NWD2: variants seen among roughly 807,000 people sequenced by gnomAD.
The protein encoded by NWD2 is NACHT and WD repeat domain-containing protein 2.
A neutral mutation model predicts 132.7 loss-of-function variants in NWD2; 37 were observed. That is an observed-to-expected ratio of 0.28 (90% CI 0.21 to 0.37). The LOEUF is 0.37. Ranked by LOEUF, NWD2 falls within the 10% of genes least tolerant of loss-of-function variation. The probability of loss-of-function intolerance (pLI) is 1.00; values close to 1 mark genes in which losing one functional copy is unlikely to be tolerated. For synonymous variants in NWD2, 705 were observed against 803.0 expected (o/e 0.88, Z 2.06); for missense variants, 1,592 against 2,122.4 (o/e 0.75, Z 4.91).
intron 1 of NWD2, among the ~76,000 whole-genome samples, chr4:37,324,057 A>T (rs1177164134): frequency 6.6e-6 from 1 of 152,116 alleles, no homozygotes; most frequent in Admixed American, 6.6e-5. Flanking sequence ...AGGAAGGGAG[A>T]GGGATGTGAG....
intron 1 of NWD2, among the ~76,000 whole-genome samples, chr4:37,251,987 T>G (rs1250699440): frequency 6.6e-6 from 1 of 152,148 alleles, no homozygotes; most frequent in African/African-American, 2.4e-5. Context: ...ACGAGCACTG[T>G]GCTAATGATA....
chr4:37,380,165 C>T (rs987350850), intron 3 of NWD2, among the ~76,000 whole-genome samples: 1 of 152,156 alleles, frequency 6.6e-6, no homozygotes, highest in African/African-American at 2.4e-5. Context: ...GAAAAATAAA[C>T]GTTCAGATTA....
intron 1 of NWD2, among the ~76,000 whole-genome samples, chr4:37,283,074 G>C (rs1055095144): frequency 6.6e-6 from 1 of 152,136 alleles, no homozygotes; most frequent in Non-Finnish European, 1.5e-5. Context: ...GAGGCTCTGA[G>C]CCATTAGCTG....
In NWD2 at chr4:37,446,534, C is replaced by T. The variant is rs191667289; in HGVS notation, c.4546C>T (p.Arg1516Cys). 2.6e-5 allele frequency: 40 copies of T among 1,551,644 alleles called. No homozygotes were observed. The highest frequency in any genetic ancestry group is 1.2e-4 in the Admixed American group (6 of 50,990). Reference protein sequence around the residue: ...WSLTDEVICRRVQLPNNFLKN... With the variant: ...WSLTDEVICRCVQLPNNFLKN... ...TCTGACAGATGAAGTGATCTGTCGG[C>T]GCGTGCAACTTCCAAACAACTTCTT... is the stretch of plus-strand genomic sequence containing the variant. The change falls in exon 7 of 7, where the codon CGC (arginine) becomes TGC (cysteine). Residue 1516 changes from arginine to cysteine, a missense_variant. Physicochemically the swap from Arg to Cys is radical, Grantham distance 180. Coordinates refer to ENST00000309447, the MANE Select transcript of NWD2 (RefSeq NM_001144990.2). The surrounding 1 kb of genome is among the most constrained non-coding windows in gnomAD (Gnocchi z 6.7).
intron 1 of NWD2, among the ~76,000 whole-genome samples, chr4:37,318,976 T>C (rs1231488343): frequency 6.6e-6 from 1 of 152,216 alleles, no homozygotes; most frequent in Non-Finnish European, 1.5e-5. Context: ...ATGATTTATG[T>C]TCTTTTGGAT....
At chr4:37,317,896 A>G (rs1718990018) in intron 1 of NWD2, among the ~76,000 whole-genome samples, 1 of 152,134 alleles carries the variant, frequency 6.6e-6, no homozygotes, top group Non-Finnish European at 1.5e-5. Flanking sequence ...TTAGGAGGAC[A>G]TGTTAATTTT....
intron 3 of NWD2, among the ~76,000 whole-genome samples, chr4:37,377,487 T>A (rs531351650): frequency 6.6e-6 from 1 of 152,254 alleles, no homozygotes; most frequent in South Asian, 2.1e-4. Context: ...ATCCCAGCAC[T>A]TTGGGAGGCC....
chr4:37,415,814 C>T (rs1711580316), intron 3 of NWD2, among the ~76,000 whole-genome samples: 2 of 152,110 alleles, frequency 1.3e-5, no homozygotes, highest in Admixed American at 1.3e-4. Context: ...TAAGCCCAGG[C>T]CTTCATAATG....
Position 37,446,539 on chromosome 4 carries a change from G to A in NWD2, c.4551G>A (p.Val1517=). Residue 1517 remains valine, a synonymous_variant, in exon 7 of 7, where the codon GTG becomes GTA. Transcript: ENST00000309447. This position sits in a 1 kb window ranked among gnomAD's most constrained non-coding sequence, Gnocchi z 6.7. Reference sequence around the variant, plus strand: ...CAGATGAAGTGATCTGTCGGCGCGTGCAACTTCCAAACAACTTCTTGAAAA... The same window carrying A: ...CAGATGAAGTGATCTGTCGGCGCGTACAACTTCCAAACAACTTCTTGAAAA... ...SLTDEVICRR[V]QLPNNFLKNL... The A allele has an allele frequency of 6.4e-7, 1 of 1,551,700 alleles. No homozygotes were observed. Among genetic ancestry groups the A allele is most frequent in the Non-Finnish European group, 8.7e-7 (1 of 1,147,004 alleles).
intron 2 of NWD2, among the ~76,000 whole-genome samples, chr4:37,343,041 G>A (rs1719561553): frequency 1.3e-5 from 2 of 152,300 alleles, no homozygotes; most frequent in Non-Finnish European, 1.5e-5. Context: ...AGCCATTGAA[G>A]ATGAGGACCT....
rs1157177698 is a variant in NWD2, at chr4:37,245,159, C to G, written c.92C>G (p.Pro31Arg). Residue 31 changes from proline (P) to arginine (R), a missense_variant, in exon 1 of 7, where the codon CCC becomes CGC. By Grantham distance (103) the Pro-to-Arg change is moderately radical (BLOSUM62 -2). Transcript: ENST00000309447. ...TTCTCTGGGAACCTCACGGCCCTGC[C>G]CTCTCACCTCGTGCCCGCCGGCCGC... ...AAFSGNLTAL[P>R]SHLVPAGRSV... 1.3e-6 allele frequency: 2 copies of G among 1,546,784 alleles called. No individual in the cohort carries two copies. The highest frequency in any genetic ancestry group is 1.4e-5 in the African/African-American group (1 of 72,872).
chr4:37,298,858 C>A (rs1421889304), intron 1 of NWD2, among the ~76,000 whole-genome samples: 1 of 152,024 alleles, frequency 6.6e-6, no homozygotes, highest in Non-Finnish European at 1.5e-5. Context: ...TACAGCCAAG[C>A]TTTACTGGAA....
intron 3 of NWD2, among the ~76,000 whole-genome samples, chr4:37,394,812 T>TTTTG (rs1720752387): frequency 8.3e-6 from 1 of 119,824 alleles, no homozygotes; most frequent in South Asian, 3.1e-4. Flanking sequence ...TTTTTTTTTT[T>TTTTG]TTTTTTTTTT....
At chr4:37,413,533 T>C (rs1252695223) in intron 3 of NWD2, among the ~76,000 whole-genome samples, 1 of 152,160 alleles carries the variant, frequency 6.6e-6, no homozygotes, top group African/African-American at 2.4e-5. Flanking sequence ...AGAGTGTAAA[T>C]TAGTTCAATC....
At chr4:37,332,174 T>G (rs554557997) in intron 2 of NWD2, among the ~76,000 whole-genome samples, 1 of 152,128 alleles carries the variant, frequency 6.6e-6, no homozygotes, top group Admixed American at 6.5e-5. Flanking sequence ...GGACTTGGGG[T>G]GCATGTGAAC....
chr4:37,430,901 A>C, intron 4 of NWD2, 126 bp downstream of exon 4: 1 of 770,672 alleles, frequency 1.3e-6, no homozygotes, highest in African/African-American at 1.8e-5. Flanking sequence ...CCTAGGCCCC[A>C]GGTTTTCCTT....
At chr4:37,303,549 A>G (rs1450402283) in intron 1 of NWD2, among the ~76,000 whole-genome samples, 2 of 152,102 alleles carry the variant, frequency 1.3e-5, no homozygotes, top group East Asian at 1.9e-4. Flanking sequence ...GTAGTATAGT[A>G]ATTTTGACAG....
chr4:37,379,898 C>G (rs750281841), intron 3 of NWD2, among the ~76,000 whole-genome samples: 9 of 152,280 alleles, frequency 5.9e-5, no homozygotes, highest in Middle Eastern at 3.4e-3. Flanking sequence ...TGCTTTACCC[C>G]GTGTTATCTT....
intron 1 of NWD2, among the ~76,000 whole-genome samples, chr4:37,274,292 A>G (rs1454986401): frequency 4.6e-5 from 7 of 152,212 alleles, no homozygotes; most frequent in African/African-American, 1.7e-4. Context: ...ATCAGAGAAT[A>G]CTATAAACAC....
Sources: gnomAD v4.1 joint callset for allele counts (sites outside exome capture counted in the v4.1 genomes callset) on GRCh38, gnomAD v4.1.1 for gene constraint, Gnocchi (gnomAD v3.1) non-coding constraint, MANE v1.5 for transcripts, NCBI Gene and HGNC (gene_info 2026-07-23, HGNC 2026-07-21) for gene names.